The following MB21D2 variants were observed in gnomAD, a reference collection of about 807,000 sequenced individuals.
The protein encoded by MB21D2 is nucleotidyltransferase MB21D2.
In MB21D2, 9 loss-of-function variants were observed where a neutral mutation model predicts 33.3. The ratio of observed to expected loss-of-function variants is 0.27; its 90% CI spans 0.16 to 0.47. MB21D2 has a LOEUF of 0.47. Among genes scored for constraint, MB21D2 ranks in the 20% least tolerant of loss-of-function variants. MB21D2 has a pLI of 0.99. For missense variants in MB21D2, 540 were observed against 624.6 expected, an observed-to-expected ratio of 0.86 and a Z score of 1.44; for synonymous variants, 241 against 236.3, an observed-to-expected ratio of 1.02 and a Z score of -0.18.
chr3:192,901,925 G>C (rs934985484), intron 1 of MB21D2, among the ~76,000 whole-genome samples: 2 of 152,166 alleles, frequency 1.3e-5, no homozygotes, highest in Non-Finnish European at 2.9e-5. Flanking sequence ...GGGAAAGCCT[G>C]CATCTTCGTA....
chr3:192,803,508 C>A (rs1379667248), intron 1 of MB21D2, among the ~76,000 whole-genome samples: 2 of 152,168 alleles, frequency 1.3e-5, no homozygotes, highest in East Asian at 3.8e-4. Context: ...ATTTAGCCTC[C>A]CTGAGCCCAT....
chr3:192,911,114 T>C (rs1714343068), intron 1 of MB21D2, among the ~76,000 whole-genome samples: 1 of 152,200 alleles, frequency 6.6e-6, no homozygotes, highest in Admixed American at 6.5e-5. Flanking sequence ...GAGTGCAGAA[T>C]ATTGTCCTTG....
chr3:192,821,636 G>A (rs1712061890), intron 1 of MB21D2, among the ~76,000 whole-genome samples: 1 of 152,218 alleles, frequency 6.6e-6, no homozygotes, highest in Non-Finnish European at 1.5e-5. Context: ...ATTGCTTTCT[G>A]GAAGTTAAGG....
intron 1 of MB21D2, among the ~76,000 whole-genome samples, chr3:192,870,880 T>C (rs1188182805): frequency 6.6e-6 from 1 of 152,178 alleles, no homozygotes; most frequent in Non-Finnish European, 1.5e-5. Context: ...AATGGTTTCC[T>C]GTGGCTATTT....
intron 1 of MB21D2, among the ~76,000 whole-genome samples, chr3:192,870,498 C>T (rs761395987): frequency 3.3e-5 from 5 of 151,756 alleles, no homozygotes; most frequent in Admixed American, 6.6e-5. Context: ...TGAGACCAGC[C>T]TGGAAACATG....
chr3:192,907,925 G>A (rs564048340), intron 1 of MB21D2, among the ~76,000 whole-genome samples: 5 of 152,224 alleles, frequency 3.3e-5, no homozygotes, highest in South Asian at 2.1e-4. Flanking sequence ...AAGAAACACC[G>A]GGGTCCACAA....
At chr3:192,897,149 A>C (rs138060225) in intron 1 of MB21D2, among the ~76,000 whole-genome samples, 5,024 of 152,246 alleles carry the variant, frequency 0.033, 92 homozygotes, top group Middle Eastern at 0.054. Flanking sequence ...TCCATGAGGT[A>C]TTTATTAGAA....
At chr3:192,812,478 C>T (rs965297527) in intron 1 of MB21D2, among the ~76,000 whole-genome samples, 2 of 152,122 alleles carry the variant, frequency 1.3e-5, no homozygotes, top group Non-Finnish European at 2.9e-5. Context: ...GATGGTGGAG[C>T]CTAATGACAA....
intron 1 of MB21D2, among the ~76,000 whole-genome samples, chr3:192,839,482 A>C (rs1168276105): frequency 6.6e-6 from 1 of 152,232 alleles, no homozygotes; most frequent in African/African-American, 2.4e-5. Flanking sequence ...CTCATCTTGA[A>C]GACTTAATTG....
At chr3:192,809,978 C>T (rs1711751173) in intron 1 of MB21D2, among the ~76,000 whole-genome samples, 1 of 152,214 alleles carries the variant, frequency 6.6e-6, no homozygotes, top group Non-Finnish European at 1.5e-5. Flanking sequence ...TTTAACCCAA[C>T]ATCAGAGCCT....
At chr3:192,823,956 A>G (rs796192933) in intron 1 of MB21D2, among the ~76,000 whole-genome samples, 5 of 152,318 alleles carry the variant, frequency 3.3e-5, no homozygotes, top group African/African-American at 1.2e-4. Flanking sequence ...AAAGACAGTG[A>G]AAATCACTGC....
At chr3:192,909,966 AAGAGAG>A (rs796107234) in intron 1 of MB21D2, among the ~76,000 whole-genome samples, 1 of 132,228 alleles carries the variant, frequency 7.6e-6, no homozygotes, top group Non-Finnish European at 1.6e-5. Context: ...AAAAAAAAGA[AAGAGAG>A]AGAGAGAGAG....
rs34563884 is a variant in MB21D2, at chr3:192,798,134, G to GA, written c.*251dup. 95 of 413,776 alleles carry GA rather than the reference G, an allele frequency of 2.3e-4. No individual in the cohort carries two copies. Among genetic ancestry groups the GA allele is most frequent in the African/African-American group, 1.1e-3 (55 of 49,910 alleles). The allele number at this position is 413,776 out of a possible 1,614,324, so 25.6% of individuals were successfully genotyped here. ...CTATGGCTTAAGATCTCCTTAAAAA[G>GA]AAAAAAAACTCCAACAAACTAAAGA... On this transcript the variant is annotated 3_prime_UTR_variant, in exon 2 of 2. Transcript: ENST00000392452. The surrounding 1 kb of genome is among the most constrained non-coding windows in gnomAD (Gnocchi z 4.8).
At chr3:192,840,415 C>CTTTTTT (rs71177380) in intron 1 of MB21D2, among the ~76,000 whole-genome samples, 1,956 of 88,366 alleles carry the variant, frequency 0.022, 10 homozygotes, top group Middle Eastern at 0.037. Flanking sequence ...TCTCTTTTTT[C>CTTTTTT]TTTTTTTTTT....
intron 1 of MB21D2, among the ~76,000 whole-genome samples, chr3:192,838,573 C>T (rs918391193): frequency 4.8e-4 from 73 of 152,046 alleles, no homozygotes; most frequent in African/African-American, 1.6e-3. Flanking sequence ...GGACTACAGG[C>T]GCCCACCGCC....
chr3:192,852,798 C>G (rs1352418199), intron 1 of MB21D2, among the ~76,000 whole-genome samples: 1 of 140,016 alleles, frequency 7.1e-6, no homozygotes, highest in African/African-American at 2.6e-5. Context: ...CTCCCCACCA[C>G]TGACCCCCAC....
intron 1 of MB21D2, among the ~76,000 whole-genome samples, chr3:192,868,265 T>A (rs1018906142): frequency 6.6e-6 from 1 of 152,228 alleles, no homozygotes; most frequent in Admixed American, 6.5e-5. Flanking sequence ...GCTAGGTGCA[T>A]GCTTATATTG....
At chr3:192,821,196 C>T (rs1220863381) in intron 1 of MB21D2, among the ~76,000 whole-genome samples, 1 of 152,150 alleles carries the variant, frequency 6.6e-6, no homozygotes, top group Non-Finnish European at 1.5e-5. Context: ...TACTTTGGGC[C>T]AAAAGGTTTC....
chr3:192,860,244 C>T (rs1453223412), intron 1 of MB21D2, among the ~76,000 whole-genome samples: 1 of 152,230 alleles, frequency 6.6e-6, no homozygotes, highest in East Asian at 1.9e-4. Context: ...CAACCAGGGT[C>T]TCCCCAGCAC....
Sources: gnomAD v4.1 joint callset for allele counts (sites outside exome capture counted in the v4.1 genomes callset) on GRCh38, gnomAD v4.1.1 for gene constraint, Gnocchi (gnomAD v3.1) non-coding constraint, MANE v1.5 for transcripts, NCBI Gene and HGNC (gene_info 2026-07-23, HGNC 2026-07-21) for gene names.